Variants in PKN3 observed in about 807,000 individuals in gnomAD.
The protein encoded by PKN3 is serine/threonine-protein kinase N3.
PKN3 carries 91 observed loss-of-function variants against 113.1 expected under a neutral mutation model. The ratio of observed to expected loss-of-function variants is 0.80; its 90% confidence interval spans 0.68 to 0.96. The LOEUF (loss-of-function observed/expected upper bound fraction) is 0.96. PKN3 is among the 40% of genes least tolerant of loss of function. PKN3 has a pLI of 0.00. For synonymous variants in PKN3, 467 were observed against 499.0 expected (o/e 0.94, Z 0.85); for missense variants, 1,052 against 1,202.2 (o/e 0.88, Z 1.85).
intron 13 of PKN3, 114 bp downstream of exon 13, chr9:128,714,979 C>T (rs758641787): frequency 5.1e-5 from 58 of 1,145,298 alleles, no homozygotes; most frequent in Middle Eastern, 2.7e-4. Context: ...GACTGGCTCT[C>T]GGGGTCTGAT....
At chr9:128,710,656 T>C (rs1164369409) in intron 6 of PKN3, among the ~76,000 whole-genome samples, 2 of 151,826 alleles carry the variant, frequency 1.3e-5, no homozygotes, top group Admixed American at 1.3e-4. Context: ...CATGCCTGGC[T>C]AATTTTTGTA....
At chr9:128,712,779 G>A (rs983881160) in intron 6 of PKN3, among the ~76,000 whole-genome samples, 10 of 152,016 alleles carry the variant, frequency 6.6e-5, no homozygotes, top group African/African-American at 1.7e-4. Context: ...TGTCCAGGTC[G>A]GAGGCCTCCT....
intron 15 of PKN3, among the ~76,000 whole-genome samples, chr9:128,716,466 C>T (rs531485127): frequency 5.3e-4 from 80 of 151,906 alleles, no homozygotes; most frequent in South Asian, 1.5e-3. Flanking sequence ...GGCGTGGTGG[C>T]GCACTCCTAT....
intron 6 of PKN3, among the ~76,000 whole-genome samples, chr9:128,708,063 G>A (rs1376876622): frequency 2.8e-5 from 3 of 108,952 alleles, no homozygotes; most frequent in African/African-American, 1.0e-4. Flanking sequence ...GGGGCAAGAC[G>A]CCGTCGCAAA....
chr9:128,718,143 G>C (rs1373495767), intron 16 of PKN3, among the ~76,000 whole-genome samples, 182 bp from the exon 17 acceptor site: 3 of 152,072 alleles, frequency 2.0e-5, no homozygotes, highest in African/African-American at 7.2e-5. Flanking sequence ...ACGCAACCTT[G>C]GGGCGACCTT....
Position 128,705,521 on chromosome 9 carries a change from C to G in PKN3, c.243C>G (p.Pro81=), listed in dbSNP as rs571559064. The change falls in exon 2 of 22, where the codon CCC becomes CCG. Residue 81 remains proline (P), a synonymous_variant. Coordinates refer to ENST00000291906, the MANE Select transcript of PKN3 (RefSeq NM_013355.5). Reference sequence around the variant, plus strand: ...AGCTGCACGCCCGAATCCTGCTGCCCGGCCCTGGGCCTGGCCCAGCTGGTG... The same window carrying G: ...AGCTGCACGCCCGAATCCTGCTGCCGGGCCCTGGGCCTGGCCCAGCTGGTG... ...LRELHARILL[P]GPGPGPAEPV... The G allele has an allele frequency of 7.1e-6, 11 of 1,556,556 alleles. No individual in the cohort carries two copies. The highest frequency in any genetic ancestry group is 1.7e-4 in the Middle Eastern group (1 of 5,774).
In PKN3 at chr9:128,715,898, G is replaced by C. The variant is rs1473480216; in HGVS notation, c.1808+438G>C. Among the ~76,000 whole-genome samples the C allele has an allele frequency of 1.3e-5, 2 of 152,108 alleles. No homozygotes were observed. The highest frequency in any genetic ancestry group is 2.9e-5 in the Non-Finnish European group (2 of 68,024). On this transcript the variant is annotated intron_variant, in intron 15 of 21. Coordinates refer to ENST00000291906, the MANE Select transcript of PKN3 (RefSeq NM_013355.5). The surrounding 1 kb of genome is among the most constrained non-coding windows in gnomAD (Gnocchi z 4.1). ...TGTGCCTTTAGTCCCAGCTACTTGG[G>C]AGGGTGAGGTGAGAGGATTGCTTAA...
intron 1 of PKN3, among the ~76,000 whole-genome samples, chr9:128,703,187 G>T (rs866628430): frequency 1.1e-4 from 16 of 152,246 alleles, no homozygotes; most frequent in African/African-American, 3.9e-4. Flanking sequence ...ACCCCAACCA[G>T]CCCGTGAGCG....
At chr9:128,706,464 C>A (rs1676887489) in intron 3 of PKN3, among the ~76,000 whole-genome samples, 1 of 152,130 alleles carries the variant, frequency 6.6e-6, no homozygotes, top group South Asian at 2.1e-4. Context: ...CAGCCCTGAT[C>A]TGATGGGAGA....
chr9:128,718,238 C>A, intron 16 of PKN3, 87 bp from the exon 17 acceptor site: 1 of 990,140 alleles, frequency 1.0e-6, no homozygotes, highest in Non-Finnish European at 1.6e-6. Flanking sequence ...ATCCGGGATC[C>A]CCCCGCTATG....
At chr9:128,703,365 T>C (rs1198387543) in intron 1 of PKN3, 1 of 985,276 alleles carries the variant, frequency 1.0e-6, no homozygotes, top group Non-Finnish European at 1.2e-6. Flanking sequence ...GCGCAGTCTG[T>C]GCGCGCTTGG....
chr9:128,709,052 G>A (rs1405194639), intron 6 of PKN3, among the ~76,000 whole-genome samples: 4 of 151,978 alleles, frequency 2.6e-5, no homozygotes, highest in African/African-American at 9.7e-5. Context: ...TTGGGAGGCC[G>A]AGGCGGGCGG....
intron 6 of PKN3, 140 bp downstream of exon 6, chr9:128,707,545 T>G (rs1468972901): frequency 1.5e-6 from 1 of 682,036 alleles, no homozygotes; most frequent in Non-Finnish European, 2.4e-6. Flanking sequence ...CAAACTGACA[T>G]TCCTTCTTCA....
rs1445381992 is a variant in PKN3, at chr9:128,719,918, C to T, written c.2277C>T (p.Phe759=). 1.9e-6 allele frequency: 3 copies of T among 1,613,982 alleles called. No homozygotes were observed. In the South Asian group the frequency reaches 3.3e-5, roughly 18 times the overall value. ...LYEMLVGECP[F]PGDTEEEVFD... ...AGCCCCCATCTCCACAGTGCCCGTT[C>T]CCAGGGGACACAGAGGAAGAGGTGT... The change falls in exon 20 of 22, where the codon TTC becomes TTT. Residue 759 remains phenylalanine, a synonymous_variant. Transcript: ENST00000291906.
chr9:128,720,180 T>G lies in PKN3; in HGVS notation c.2377-23T>G. The G allele has an allele frequency of 1.9e-6, 3 of 1,609,696 alleles. No individual in the cohort carries two copies. The highest frequency in any genetic ancestry group is 2.5e-6 in the Non-Finnish European group (3 of 1,177,378). The stretch of plus-strand genomic sequence containing the variant: ...AGTGCCTGGGGCTGAATGCCCTAAG[T>G]GAGCGCCTGTCCTATTGCCCAGCTC... On this transcript the variant is annotated intron_variant, in intron 20 of 21. Coordinates refer to ENST00000291906, the MANE Select transcript of PKN3 (RefSeq NM_013355.5). This position sits in a 1 kb window ranked among gnomAD's most constrained non-coding sequence, Gnocchi z 5.5.
Position 128,715,228 on chromosome 9 carries a change from T to G in PKN3, c.1709T>G (p.Phe570Cys). 3.1e-6 allele frequency: 5 copies of G among 1,613,790 alleles called. No homozygotes were observed. The highest frequency in any genetic ancestry group is 4.2e-6 in the Non-Finnish European group (5 of 1,179,912). Residue 570 changes from phenylalanine to cysteine, a missense_variant, in exon 14 of 22, where the codon TTT becomes TGT. Physicochemically the swap from Phe to Cys is radical, Grantham distance 205. This residue lies in a region of PKN3 where 333 missense variants were observed against 442.8 expected (regional missense o/e 0.75). Coordinates refer to ENST00000291906, the MANE Select transcript of PKN3 (RefSeq NM_013355.5). This position sits in a 1 kb window ranked among gnomAD's most constrained non-coding sequence, Gnocchi z 4.1. ...RCLAVLGRGH[F>C]GKVLLVQFKG... ...TTAGCTGTGCTGGGCCGGGGACACT[T>G]TGGGAAGGTAGTGGGCTGAAGAGGG...
At position 128,705,308 on chromosome 9, in the gene PKN3, G is replaced by A. The variant is rs1179205326; in HGVS notation, c.30G>A (p.Gly10=). ...GCTTTCCACCGGCTCTGCAGCCTGG[G>A]CCGAGCCAGTGGCCCCCAGAGGATG... MEEGAPRQP[G]PSQWPPEDEK... is the part of the protein sequence containing the mutation. The change falls in exon 2 of 22, where the codon GGG becomes GGA. Residue 10 remains glycine (G), a synonymous_variant. Coordinates refer to ENST00000291906, the MANE Select transcript of PKN3 (RefSeq NM_013355.5). 6.4e-7 allele frequency: 1 copy of A among 1,553,630 alleles called. No individual in the cohort carries two copies. The highest frequency in any genetic ancestry group is 1.2e-5 in the South Asian group (1 of 84,420).
intron 1 of PKN3, 76 bp from the exon 2 acceptor site, chr9:128,705,227 G>A: frequency 6.6e-7 from 1 of 1,525,138 alleles, no homozygotes; most frequent in South Asian, 1.2e-5. Flanking sequence ...GCCTCCATCT[G>A]CAGTGAGCAA....
intron 1 of PKN3, among the ~76,000 whole-genome samples, chr9:128,704,707 G>A (rs1041823711): frequency 2.6e-5 from 4 of 152,126 alleles, no homozygotes; most frequent in Non-Finnish European, 5.9e-5. Context: ...ATCACCTGAG[G>A]TCAGGATTCA....
Sources: allele counts gnomAD v4.1 joint callset (sites outside exome capture counted in the v4.1 genomes callset), GRCh38; gene constraint gnomAD v4.1.1; regional missense constraint gnomAD v4.1.1; non-coding constraint Gnocchi (gnomAD v3.1); transcripts MANE v1.5; gene names NCBI Gene and HGNC (gene_info 2026-07-23, HGNC 2026-07-21).